The following ARNT variants were observed in gnomAD, a reference collection of about 807,000 sequenced individuals.
The protein encoded by ARNT is class E basic helix-loop-helix protein 2.
Under a neutral mutation model 105.0 loss-of-function variants are expected in ARNT, and 30 were observed. The observed-to-expected ratio is 0.29, with a 90% confidence interval of 0.21 to 0.39. ARNT has a LOEUF of 0.39. ARNT is among the 10% of genes least tolerant of loss of function. ARNT has a pLI of 1.00. For synonymous variants in ARNT, 304 were observed against 344.0 expected, an observed-to-expected ratio of 0.88 and a Z score of 1.29; for missense variants, 748 against 978.7, an observed-to-expected ratio of 0.76 and a Z score of 3.15.
chr1:150,816,396 G>A lies in ARNT; in HGVS notation c.1813C>T (p.Leu605=). Residue 605 remains leucine (L), a synonymous_variant, in exon 19 of 22, where the codon CTA becomes TTA. Transcript: ENST00000358595. ...TGGACAATGGTTACAGGAGGGGCTA[G>A]GCCACTATTCCTAGGAGTGAATAAA... ...RPAENFRNSG[L]APPVTIVQPS... The A allele has an allele frequency of 6.2e-7, 1 of 1,604,842 alleles. No individual in the cohort carries two copies. The highest frequency in any genetic ancestry group is 1.3e-5 in the African/African-American group (1 of 74,148).
chr1:150,861,052 T>G (rs1420675305), intron 1 of ARNT, among the ~76,000 whole-genome samples: 1 of 151,956 alleles, frequency 6.6e-6, no homozygotes, highest in Non-Finnish European at 1.5e-5. Flanking sequence ...AAAACCACAA[T>G]GAGAAAGCAT....
intron 14 of ARNT, 71 bp from the exon 15 acceptor site, chr1:150,818,101 G>C: frequency 9.2e-7 from 1 of 1,091,882 alleles, no homozygotes; most frequent in Non-Finnish European, 1.4e-6. Context: ...AGAAAGAGAA[G>C]AATAAGATTC....
At chr1:150,855,089 C>A (rs1225771259) in intron 2 of ARNT, among the ~76,000 whole-genome samples, 3 of 152,010 alleles carry the variant, frequency 2.0e-5, no homozygotes, top group African/African-American at 7.2e-5. Flanking sequence ...AGCCTCCGTG[C>A]TCAGCCCAAT....
chr1:150,836,583 C>A, intron 6 of ARNT, 90 bp from the exon 7 acceptor site: 1 of 1,302,532 alleles, frequency 7.7e-7, no homozygotes, highest in Admixed American at 2.2e-5. Context: ...CTTCAGGCCA[C>A]ATGCATCTCT....
At chr1:150,816,096 G>A (rs1655811931) in intron 19 of ARNT, among the ~76,000 whole-genome samples, 163 bp downstream of exon 19, 1 of 152,008 alleles carries the variant, frequency 6.6e-6, no homozygotes, top group African/African-American at 2.4e-5. Flanking sequence ...TTTATTATCT[G>A]TGATTTTTAA....
intron 12 of ARNT, among the ~76,000 whole-genome samples, chr1:150,826,894 G>C (rs1266342719): frequency 6.6e-6 from 1 of 151,800 alleles, no homozygotes; most frequent in African/African-American, 2.4e-5. Context: ...TGATCCACCC[G>C]CCTCGGCCTC....
At chr1:150,832,306 C>A (rs1659492644) in intron 9 of ARNT, 28 bp downstream of exon 9, 1 of 1,613,092 alleles carries the variant, frequency 6.2e-7, no homozygotes. Context: ...TTGGCCATCC[C>A]TTTGGTTTTC....
At chr1:150,823,412 T>G (rs968486139) in intron 13 of ARNT, 67 bp from the exon 14 acceptor site, 9 of 1,485,220 alleles carry the variant, frequency 6.1e-6, no homozygotes, top group Middle Eastern at 1.8e-4. Context: ...AAATAAAAAT[T>G]TTCCAATTTC....
rs1345790430 is a variant in ARNT, at chr1:150,816,672, A to C, written c.1802+116T>G. ...GCTTGTTTGCCTCACGCTAGGCCCTACAAGCTTCACTGCTTTTTCTGAAGT... is the reference window on the plus strand; with the variant it reads ...GCTTGTTTGCCTCACGCTAGGCCCTCCAAGCTTCACTGCTTTTTCTGAAGT... On this transcript the variant is annotated intron_variant, in intron 18 of 21. Transcript: ENST00000358595. The C allele has an allele frequency of 2.4e-6, 3 of 1,270,464 alleles. No homozygotes were observed. The East Asian group carries it at 7.4e-5, about 31-fold the overall frequency. The allele number at this position is 1,270,464 out of a possible 1,614,324, so 78.7% of individuals were successfully genotyped here. A position where few individuals can be genotyped will look rare whatever the true frequency, so the allele number is the denominator to read the frequency against.
rs374049564 is a variant in ARNT, at chr1:150,840,243, AAAAAAAC to A, written c.273-596_273-590del. ...GTGGCAGAGCAAGACTCCATTTCAA[AAAAAAAC>A]AAAAAACAAAAAACAAGAGAAAAAA... On this transcript the variant is annotated intron_variant, in intron 5 of 21. Coordinates refer to ENST00000358595, the MANE Select transcript of ARNT (RefSeq NM_001668.4). Among the ~76,000 whole-genome samples, 261 of 149,648 alleles carry A rather than the reference AAAAAAAC, an allele frequency of 1.7e-3. 1 individual carries two copies. Among genetic ancestry groups the A allele is most frequent in the African/African-American group, 5.0e-3 (196 of 38,974 alleles).
At chr1:150,855,849 G>A (rs1473468906) in intron 2 of ARNT, among the ~76,000 whole-genome samples, 2 of 151,772 alleles carry the variant, frequency 1.3e-5, no homozygotes, top group Non-Finnish European at 2.9e-5. Flanking sequence ...AGGCTACAAT[G>A]AGCCATGATC....
At chr1:150,834,111 G>T (rs587774854) in intron 8 of ARNT, among the ~76,000 whole-genome samples, 201 of 150,240 alleles carry the variant, frequency 1.3e-3, no homozygotes, top group African/African-American at 4.6e-3. Flanking sequence ...TTTTGTTGTT[G>T]TTTTTTTTTA....
intron 5 of ARNT, among the ~76,000 whole-genome samples, chr1:150,841,621 T>C (rs749397031): frequency 2.6e-5 from 4 of 152,140 alleles, no homozygotes; most frequent in South Asian, 2.1e-4. Context: ...CACCCCCAAA[T>C]CACAGATACT....
chr1:150,829,560 T>A (rs1658945129), intron 11 of ARNT: 1 of 579,710 alleles, frequency 1.7e-6, no homozygotes, highest in Non-Finnish European at 3.2e-6. Flanking sequence ...TATGAAAAAA[T>A]CAAAATAATT....
At chr1:150,864,074 T>G (rs587747675) in intron 1 of ARNT, among the ~76,000 whole-genome samples, 3 of 152,270 alleles carry the variant, frequency 2.0e-5, no homozygotes, top group Non-Finnish European at 4.4e-5. Flanking sequence ...TTACTCCCAG[T>G]AACAGCCTAT....
intron 3 of ARNT, among the ~76,000 whole-genome samples, chr1:150,848,263 C>G (rs1385237702): frequency 1.3e-5 from 2 of 152,162 alleles, no homozygotes; most frequent in African/African-American, 4.8e-5. Flanking sequence ...TGAGACCAGC[C>G]TGGCCAACAT....
chr1:150,839,431 T>C lies in ARNT; in HGVS notation c.486+10A>G. On this transcript the variant is annotated intron_variant, in intron 6 of 21. Transcript: ENST00000358595. ...TTCCAGACTCTCTCAGAACTATAAG[T>C]CCCAGAGACCTGATCAGTGAGGAAA... The C allele has an allele frequency of 6.2e-7, 1 of 1,614,018 alleles. No individual in the cohort carries two copies. Among genetic ancestry groups the C allele is most frequent in the Non-Finnish European group, 8.5e-7 (1 of 1,179,908 alleles).
At position 150,818,010 on chromosome 1, in the gene ARNT, C is replaced by A; in HGVS notation, c.1415G>T (p.Arg472Leu). Residue 472 changes from arginine to leucine, a missense_variant, in exon 15 of 22, where the codon CGG becomes CTG. Physicochemically the swap from Arg to Leu is moderately radical, Grantham distance 102. Transcript: ENST00000358595. ...CTGGATTGTGTTGGAGAGTGTAGGC[C>A]GTGGTTCTTGGCTAGAGTTCCTAGG... ...TNVKNSSQEP[R>L]PTLSNTIQRP... The A allele has an allele frequency of 4.3e-6, 7 of 1,609,222 alleles. No individual in the cohort carries two copies. Among genetic ancestry groups the A allele is most frequent in the Non-Finnish European group, 5.9e-6 (7 of 1,178,946 alleles).
chr1:150,841,879 A>G (rs1398932712), intron 5 of ARNT, among the ~76,000 whole-genome samples: 5 of 152,240 alleles, frequency 3.3e-5, no homozygotes, highest in African/African-American at 1.2e-4. Flanking sequence ...TAGCCACATC[A>G]AGGAAACTAA....
Sources: gnomAD v4.1 joint callset for allele counts (sites outside exome capture counted in the v4.1 genomes callset) on GRCh38, gnomAD v4.1.1 for gene constraint, MANE v1.5 for transcripts, NCBI Gene and HGNC (gene_info 2026-07-23, HGNC 2026-07-21) for gene names.